The following DISC1 variants were observed in gnomAD, a reference collection of about 807,000 sequenced individuals.
DISC1 encodes the protein disrupted in schizophrenia 1 protein.
DISC1 carries 57 observed loss-of-function variants against 84.5 expected under a neutral mutation model. The observed-to-expected ratio is 0.67, with a 90% CI of 0.55 to 0.84. The LOEUF (loss-of-function observed/expected upper bound fraction) is 0.84. DISC1 is among the 40% of genes least tolerant of loss of function. The pLI is 0.00. For synonymous variants in DISC1, 411 were observed against 415.2 expected (o/e 0.99, Z 0.12); for missense variants, 1,000 against 1,057.8 (o/e 0.95, Z 0.76).
chr1:232,033,634 T>C (rs1487668187), intron 12 of DISC1, among the ~76,000 whole-genome samples: 1 of 152,252 alleles, frequency 6.6e-6, no homozygotes, highest in Non-Finnish European at 1.5e-5. Context: ...CCTGTGCTGC[T>C]GTGTCCATAA....
chr1:231,718,061 C>T (rs1168053367), intron 3 of DISC1, among the ~76,000 whole-genome samples: 1 of 152,068 alleles, frequency 6.6e-6, no homozygotes, highest in African/African-American at 2.4e-5. Context: ...TCAGCTCTCC[C>T]GGGACATGAG....
chr1:231,801,019 A>C lies in DISC1; in HGVS notation c.1792+809A>C, dbSNP rs544134433. On this transcript the variant is annotated intron_variant, in intron 8 of 12. Coordinates refer to ENST00000439617, the MANE Select transcript of DISC1 (RefSeq NM_018662.3). ...ACCCAGAGCTCATCAGCTTCAAAAGAATCATAAAAATTTAACAAAAAGTTA... is the reference window on the plus strand; with the variant it reads ...ACCCAGAGCTCATCAGCTTCAAAAGCATCATAAAAATTTAACAAAAAGTTA... 1.5e-4 allele frequency among the ~76,000 whole-genome samples: 23 copies of C among 152,306 alleles called. No individual in the cohort carries two copies. In the South Asian group the frequency reaches 4.8e-3, roughly 32 times the overall value.
chr1:231,703,378 AG>A (rs2124916039), intron 3 of DISC1, among the ~76,000 whole-genome samples: 1 of 152,336 alleles, frequency 6.6e-6, no homozygotes, highest in East Asian at 1.9e-4. Flanking sequence ...GCACAGCTGT[AG>A]GCAGGGAGAA....
At chr1:231,944,716 C>A (rs200194113) in intron 9 of DISC1, among the ~76,000 whole-genome samples, 1 of 152,212 alleles carries the variant, frequency 6.6e-6, no homozygotes, top group Non-Finnish European at 1.5e-5. Flanking sequence ...AAAGCACAGA[C>A]TGGCCATACT....
At chr1:231,716,833 G>A (rs1344153173) in intron 3 of DISC1, among the ~76,000 whole-genome samples, 2 of 152,064 alleles carry the variant, frequency 1.3e-5, no homozygotes, top group Non-Finnish European at 2.9e-5. Flanking sequence ...TAATGGCAAC[G>A]AGATGGCGCC....
chr1:232,011,247 A>C (rs1034335008), intron 11 of DISC1, among the ~76,000 whole-genome samples: 1 of 152,186 alleles, frequency 6.6e-6, no homozygotes, highest in Non-Finnish European at 1.5e-5. Flanking sequence ...GCTTGGGGTC[A>C]AGGATGAAAA....
intron 9 of DISC1, among the ~76,000 whole-genome samples, chr1:231,842,154 G>A (rs372974720): frequency 6.6e-5 from 10 of 152,074 alleles, no homozygotes; most frequent in African/African-American, 2.2e-4. Flanking sequence ...GCACCACCAT[G>A]CCTGGCTAAT....
intron 9 of DISC1, among the ~76,000 whole-genome samples, chr1:231,822,408 G>A (rs1331896649): frequency 6.6e-6 from 1 of 152,144 alleles, no homozygotes; most frequent in Non-Finnish European, 1.5e-5. Context: ...ATGGCTAACT[G>A]TGCCCAGCCT....
At chr1:231,801,495 G>A (rs978540307) in intron 8 of DISC1, among the ~76,000 whole-genome samples, 8 of 152,332 alleles carry the variant, frequency 5.3e-5, no homozygotes, top group African/African-American at 1.2e-4. Context: ...TGCGTATGGC[G>A]CAGGTTTCCT....
intron 11 of DISC1, among the ~76,000 whole-genome samples, chr1:232,020,902 A>G (rs1199985906): frequency 1.3e-5 from 2 of 152,220 alleles, no homozygotes; most frequent in African/African-American, 4.8e-5. Context: ...AATAAGGCCT[A>G]AAGCCCACTG....
intron 9 of DISC1, chr1:231,819,006 T>C (rs1043407241): frequency 1.2e-4 from 118 of 995,422 alleles, no homozygotes; most frequent in Non-Finnish European, 2.4e-5. Context: ...GAATGCCGCC[T>C]TAGCCAAAGT....
chr1:231,866,411 TTTGA>T (rs2125936722), intron 9 of DISC1: 2 of 676,610 alleles, frequency 3.0e-6, no homozygotes, highest in South Asian at 3.3e-5. Flanking sequence ...GTAACAATTC[TTTGA>T]TTTATTAAAA....
chr1:231,785,437 A>T (rs933414839), intron 6 of DISC1, among the ~76,000 whole-genome samples: 1 of 151,632 alleles, frequency 6.6e-6, no homozygotes, highest in Non-Finnish European at 1.5e-5. Context: ...ATGCCACCAT[A>T]CTTGGCTAAT....
rs139215201 is a variant in DISC1 at position 231,734,426 on chromosome 1, G to A, written c.1118-15500G>A. 1.6e-3 allele frequency among the ~76,000 whole-genome samples: 246 copies of A among 152,190 alleles called. 1 individual carries two copies. The highest frequency in any genetic ancestry group is 5.5e-3 in the African/African-American group (230 of 41,514). On this transcript the variant is annotated intron_variant, in intron 3 of 12. Transcript: ENST00000439617. ...GATCCTGAGAAATTTTGTGTTTTCT[G>A]TGTTGTCTATAAACTGCAACTTAAG...
At chr1:231,930,553 A>C (rs924124549) in intron 9 of DISC1, among the ~76,000 whole-genome samples, 2 of 152,130 alleles carry the variant, frequency 1.3e-5, no homozygotes, top group South Asian at 2.1e-4. Context: ...GTCAGGATTC[A>C]AGCCAGGCAG....
intron 1 of DISC1, among the ~76,000 whole-genome samples, chr1:231,654,615 T>A (rs1164844088): frequency 3.3e-5 from 5 of 152,216 alleles, no homozygotes; most frequent in Non-Finnish European, 7.3e-5. Flanking sequence ...CATCTTCCCA[T>A]CCACTTCTAC....
rs1406916921 is a variant in DISC1, at chr1:232,031,392, G to A, written c.2425+4840G>A. On this transcript the variant is annotated intron_variant, in intron 12 of 12. Coordinates refer to ENST00000439617, the MANE Select transcript of DISC1 (RefSeq NM_018662.3). The surrounding 1 kb of genome is among the most constrained non-coding windows in gnomAD (Gnocchi z 4.6). ...AGAGGGAAAGGAGAAGGGAAAGGAA[G>A]AGAAGGGAAGAAGGGAAGGGAGAAG... Among the ~76,000 whole-genome samples, 1 of 148,210 alleles carries A rather than the reference G, an allele frequency of 6.7e-6. No homozygotes were observed. Among genetic ancestry groups the A allele is most frequent in the African/African-American group, 2.5e-5 (1 of 40,156 alleles).
At chr1:231,839,302 G>A (rs1465115366) in intron 9 of DISC1, among the ~76,000 whole-genome samples, 2 of 152,126 alleles carry the variant, frequency 1.3e-5, no homozygotes, top group African/African-American at 2.4e-5. Flanking sequence ...TTCCTCCCAC[G>A]TAAAGTAGAA....
chr1:231,704,212 C>T (rs1290142332), intron 3 of DISC1, among the ~76,000 whole-genome samples: 1 of 152,074 alleles, frequency 6.6e-6, no homozygotes, highest in Non-Finnish European at 1.5e-5. Context: ...AATGACTTGC[C>T]CTCTGAATGC....
Sources: allele counts gnomAD v4.1 joint callset (sites outside exome capture counted in the v4.1 genomes callset), GRCh38; gene constraint gnomAD v4.1.1; non-coding constraint Gnocchi (gnomAD v3.1); transcripts MANE v1.5; gene names NCBI Gene and HGNC (gene_info 2026-07-23, HGNC 2026-07-21).